NAV2: variants seen among roughly 807,000 people sequenced by gnomAD.
The protein encoded by NAV2 is helicase, APC down-regulated 1.
A neutral mutation model predicts 223.2 loss-of-function variants in NAV2; 54 were observed. The ratio of observed to expected loss-of-function variants is 0.24; its 90% confidence interval spans 0.19 to 0.30. The LOEUF is 0.30. NAV2 is among the 10% of genes least tolerant of loss of function. The pLI is 1.00. For synonymous variants in NAV2, 1,279 were observed against 1,239.3 expected, an observed-to-expected ratio of 1.03 and a Z score of -0.67; for missense variants, 2,806 against 3,147.5, an observed-to-expected ratio of 0.89 and a Z score of 2.60.
intron 1 of NAV2, among the ~76,000 whole-genome samples, chr11:19,762,554 T>G (rs1701035690): frequency 6.6e-6 from 1 of 152,110 alleles, no homozygotes; most frequent in Admixed American, 6.5e-5. Flanking sequence ...TCCATGAGCC[T>G]TGGCCTCAGC....
chr11:19,585,806 C>T (rs1026092927), intron 1 of NAV2, among the ~76,000 whole-genome samples: 2 of 152,148 alleles, frequency 1.3e-5, no homozygotes, highest in African/African-American at 2.4e-5. Flanking sequence ...TCTGGCTGCC[C>T]GTAACATTTT....
chr11:19,961,837 A>G (rs1237670414), intron 10 of NAV2, among the ~76,000 whole-genome samples: 1 of 152,026 alleles, frequency 6.6e-6, no homozygotes, highest in Non-Finnish European at 1.5e-5. Context: ...ACATTTACGA[A>G]GATGATGTCA....
chr11:19,457,404 CA>C (rs1486823441), intron 1 of NAV2, among the ~76,000 whole-genome samples: 3 of 152,136 alleles, frequency 2.0e-5, no homozygotes, highest in Non-Finnish European at 4.4e-5. Context: ...GAGGGGACAG[CA>C]AGTGCAGATG....
intron 20 of NAV2, among the ~76,000 whole-genome samples, chr11:20,065,204 A>G (rs556894849): frequency 6.6e-6 from 1 of 152,218 alleles, no homozygotes; most frequent in Non-Finnish European, 1.5e-5. Context: ...TGCTCCAGGC[A>G]CCTTTGTAAA....
intron 1 of NAV2, among the ~76,000 whole-genome samples, chr11:19,623,936 A>G (rs1051401078): frequency 2.0e-4 from 30 of 152,134 alleles, no homozygotes; most frequent in Non-Finnish European, 4.0e-4. Flanking sequence ...TGATGTACAG[A>G]TGGGGTTTTG....
intron 4 of NAV2, among the ~76,000 whole-genome samples, chr11:19,872,114 A>G (rs903748703): frequency 6.6e-6 from 1 of 152,138 alleles, no homozygotes; most frequent in Non-Finnish European, 1.5e-5. Flanking sequence ...CAAACTTACA[A>G]AAAGCAAGGG....
chr11:19,417,306 A>C (rs1375744041), intron 1 of NAV2, among the ~76,000 whole-genome samples: 1 of 152,250 alleles, frequency 6.6e-6, no homozygotes, highest in Non-Finnish European at 1.5e-5. Context: ...ACACTTCTCA[A>C]AAGAAGACAT....
chr11:19,981,541 G>A (rs1392740401), intron 10 of NAV2, among the ~76,000 whole-genome samples: 3 of 152,206 alleles, frequency 2.0e-5, no homozygotes, highest in Non-Finnish European at 4.4e-5. Context: ...TTTGTCCTTT[G>A]ACAAGATCTC....
intron 1 of NAV2, among the ~76,000 whole-genome samples, chr11:19,355,351 T>G (rs1252407178): frequency 6.6e-6 from 1 of 151,968 alleles, no homozygotes; most frequent in Non-Finnish European, 1.5e-5. Context: ...CATGAAAGCT[T>G]CCTGGAGCCA....
At chr11:19,935,863 T>TTTTTTTTTTTTTG (rs2045832133) in intron 7 of NAV2, among the ~76,000 whole-genome samples, 1 of 110,172 alleles carries the variant, frequency 9.1e-6, no homozygotes, top group East Asian at 2.9e-4. Flanking sequence ...TTTTTTTTTT[T>TTTTTTTTTTTTTG]TTTTTTTTTT....
intron 1 of NAV2, among the ~76,000 whole-genome samples, chr11:19,411,634 G>A (rs1850149372): frequency 6.6e-6 from 1 of 152,172 alleles, no homozygotes; most frequent in African/African-American, 2.4e-5. Context: ...TTCCACCTGG[G>A]TGAGGAGAGG....
intron 1 of NAV2, among the ~76,000 whole-genome samples, chr11:19,371,070 G>T (rs745889999): frequency 1.3e-5 from 2 of 152,178 alleles, no homozygotes; most frequent in Non-Finnish European, 2.9e-5. Context: ...CACAGCAGCA[G>T]GTTAGCCTCT....
chr11:19,947,090 G>T (rs1360127465), intron 9 of NAV2, among the ~76,000 whole-genome samples: 1 of 152,182 alleles, frequency 6.6e-6, no homozygotes, highest in Non-Finnish European at 1.5e-5. Flanking sequence ...GCAGGAGGAG[G>T]TTTTATAGTT....
At chr11:19,974,400 A>G (rs2049520990) in intron 10 of NAV2, among the ~76,000 whole-genome samples, 1 of 152,256 alleles carries the variant, frequency 6.6e-6, no homozygotes, top group East Asian at 1.9e-4. Flanking sequence ...GTAGAGCTGT[A>G]AGACACAGAG....
At chr11:19,940,316 A>T (rs2046305535) in intron 8 of NAV2, among the ~76,000 whole-genome samples, 1 of 152,216 alleles carries the variant, frequency 6.6e-6, no homozygotes, top group Non-Finnish European at 1.5e-5. Flanking sequence ...GGTACATTAT[A>T]CTGTATGACG....
At chr11:19,819,302 C>A (rs1459488712) in intron 1 of NAV2, among the ~76,000 whole-genome samples, 1 of 152,180 alleles carries the variant, frequency 6.6e-6, no homozygotes, top group Admixed American at 6.5e-5. Context: ...TTGGGAATGG[C>A]TTTACGGGGA....
intron 1 of NAV2, among the ~76,000 whole-genome samples, chr11:19,794,701 G>A (rs1460341887): frequency 6.6e-6 from 1 of 152,076 alleles, no homozygotes; most frequent in African/African-American, 2.4e-5. Flanking sequence ...GGTTTAGGGG[G>A]AGGGACCTAA....
At chr11:19,685,896 A>G (rs1169828682) in intron 1 of NAV2, among the ~76,000 whole-genome samples, 1 of 152,136 alleles carries the variant, frequency 6.6e-6, no homozygotes, top group African/African-American at 2.4e-5. Flanking sequence ...ACTGACTCTC[A>G]GGGCTCAGGT....
chr11:19,358,742 C>G (rs1464133696), intron 1 of NAV2, among the ~76,000 whole-genome samples: 1 of 152,136 alleles, frequency 6.6e-6, no homozygotes, highest in African/African-American at 2.4e-5. Context: ...TTCAGACCCC[C>G]TCTTCCCACC....
Sources: allele counts gnomAD v4.1 joint callset (sites outside exome capture counted in the v4.1 genomes callset), GRCh38; gene constraint gnomAD v4.1.1; transcripts MANE v1.5; gene names NCBI Gene and HGNC (gene_info 2026-07-23, HGNC 2026-07-21).